The following SIAE variants were observed in gnomAD, a reference collection of about 807,000 sequenced individuals.
SIAE encodes sialic acid acetylesterase, also known as sialate O-acetylesterase.
SIAE carries 39 observed loss-of-function variants against 52.6 expected under a neutral mutation model. The ratio of observed to expected loss-of-function variants is 0.74; its 90% confidence interval spans 0.57 to 0.97. The LOEUF (loss-of-function observed/expected upper bound fraction) is 0.97, where lower values mean the gene tolerates loss of function less well. Ranked by LOEUF, SIAE falls within the 50% of genes least tolerant of loss-of-function variation. The probability of loss-of-function intolerance (pLI) is 0.00; values close to 1 mark genes in which losing one functional copy is unlikely to be tolerated. For synonymous variants in SIAE, 233 were observed against 241.4 expected (o/e 0.97, Z 0.32); for missense variants, 592 against 662.1 (o/e 0.89, Z 1.16).
Position 124,669,434 on chromosome 11 carries a change from G to T in SIAE, c.155C>A (p.Thr52Lys). The change falls in exon 2 of 10, where the codon ACA (threonine) becomes AAA (lysine). Residue 52 changes from threonine to lysine, a missense_variant. Transcript: ENST00000263593. ...GGTCACGGTCACTGTGGCTCCAGGT[G>T]TACCGAAGCCCCATATCACTGCCCC... ...PAGAVIWGFG[T>K]PGATVTVTLR... 6.2e-7 allele frequency: 1 copy of T among 1,614,122 alleles called. No homozygotes were observed. The highest frequency in any genetic ancestry group is 8.5e-7 in the Non-Finnish European group (1 of 1,179,990).
upstream of SIAE, chr11:124,673,865 AG>A: frequency 3.2e-6 from 2 of 633,150 alleles, no homozygotes; most frequent in Non-Finnish European, 2.5e-6. Context: ...CGGCCGCCGT[AG>A]TTTTTTTTTT....
rs11219744 is a variant in SIAE at position 124,653,277 on chromosome 11, A to G, written c.544+1378T>C. 2.4e-4 allele frequency among the ~76,000 whole-genome samples: 37 copies of G among 152,354 alleles called. No individual in the cohort carries two copies. In the East Asian group the frequency reaches 6.2e-3, roughly 25 times the overall value. On this transcript the variant is annotated intron_variant, in intron 4 of 9. Coordinates refer to ENST00000263593, the MANE Select transcript of SIAE (RefSeq NM_170601.5). ...CTACAATATCCCCAGCACTTAGAAC[A>G]GTGTCGAGCACATAGTAGACACTCA...
At chr11:124,643,219 A>C (rs1051509459) in intron 7 of SIAE, among the ~76,000 whole-genome samples, 13 of 152,192 alleles carry the variant, frequency 8.5e-5, no homozygotes, top group African/African-American at 2.9e-4. Flanking sequence ...GAGTATGCCT[A>C]GCGTGCTTAA....
upstream of SIAE, chr11:124,673,852 T>G: frequency 1.3e-6 from 1 of 765,672 alleles, no homozygotes; most frequent in South Asian, 2.2e-5. Flanking sequence ...ACTCGCCCCT[T>G]CTCGGCCGCC....
rs1434777795 is a variant in SIAE, at chr11:124,638,666, T to A, written c.1196A>T (p.Glu399Val). Residue 399 changes from glutamate (E) to valine (V), a missense_variant, in exon 9 of 10, where the codon GAG (glutamate) becomes GTG (valine). Glu to Val is a moderately radical substitution (Grantham distance 121). Transcript: ENST00000263593. ...HLGARALAYG[E>V]KNLTFEGPLP... is the part of the protein sequence containing the mutation. ...TGGTCCTTCAAAGGTCAAATTCTTC[T>A]CACCATAAGCCAGAGCACGGGCCCC... 1 of 1,614,136 alleles carries A rather than the reference T, an allele frequency of 6.2e-7. No individual in the cohort carries two copies. Among genetic ancestry groups the A allele is most frequent in the African/African-American group, 1.3e-5 (1 of 75,028 alleles).
chr11:124,660,169 A>T (rs1022641074), intron 3 of SIAE: 2 of 227,250 alleles, frequency 8.8e-6, no homozygotes, highest in African/African-American at 4.7e-5. Context: ...AGATGCCTGT[A>T]ATCCCAGCTA....
intron 4 of SIAE, chr11:124,654,369 G>C (rs1023090062): frequency 3.0e-6 from 3 of 985,250 alleles, no homozygotes; most frequent in Admixed American, 6.1e-5. Context: ...TGGAGTGAAG[G>C]CATCGGCGAG....
At position 124,654,794 on chromosome 11, in the gene SIAE, C is replaced by G. The variant is rs371824842; in HGVS notation, c.406-1G>C. Reference sequence around the variant, plus strand: ...ACAACTCCCTTGTAGCATTAAATATCTGGAAAAGAAATTGAAACGTCATTT... The same window carrying G: ...ACAACTCCCTTGTAGCATTAAATATGTGGAAAAGAAATTGAAACGTCATTT... On this transcript the variant is annotated splice_acceptor_variant, in intron 3 of 9. Transcript: ENST00000263593. LOFTEE classifies it high-confidence loss of function. 1.9e-6 allele frequency: 3 copies of G among 1,613,272 alleles called. No homozygotes were observed. The African/African-American group carries it at 4.0e-5, about 22-fold the overall frequency.
At chr11:124,640,133 T>A (rs1182119743) in intron 7 of SIAE, among the ~76,000 whole-genome samples, 1 of 152,180 alleles carries the variant, frequency 6.6e-6, no homozygotes, top group Non-Finnish European at 1.5e-5. Flanking sequence ...ATCTAGGATT[T>A]GCTTTGACCC....
rs896207011 is a variant in SIAE at position 124,634,910 on chromosome 11, A to C, written c.*2041T>G. On this transcript the variant is annotated 3_prime_UTR_variant, in exon 10 of 10. Coordinates refer to ENST00000263593, the MANE Select transcript of SIAE (RefSeq NM_170601.5). ...TTACTTGCTTATACTTTAGTGTCCA[A>C]ATTTTCTACAGTGACTATAAATTTC... 3 of 152,190 alleles carry C rather than the reference A, an allele frequency of 2.0e-5. No individual in the cohort carries two copies. The highest frequency in any genetic ancestry group is 4.4e-5 in the Non-Finnish European group (3 of 68,026). The allele number at this position is 152,190 out of a possible 1,614,324, so 9.4% of individuals were successfully genotyped here. A position where few individuals can be genotyped will look rare whatever the true frequency, so the allele number is the denominator to read the frequency against.
chr11:124,673,908 A>G, upstream of SIAE: 1 of 609,902 alleles, frequency 1.6e-6, no homozygotes, highest in Non-Finnish European at 2.9e-6. Context: ...CCCAGCAACT[A>G]GAAAAACAAC....
At chr11:124,656,892 G>C (rs1433564299) in intron 3 of SIAE, among the ~76,000 whole-genome samples, 1 of 152,100 alleles carries the variant, frequency 6.6e-6, no homozygotes, top group Non-Finnish European at 1.5e-5. Context: ...CGTTCCATTG[G>C]CCGCTGGTCA....
In SIAE at chr11:124,645,782, G is replaced by T. The variant is rs1942922764; in HGVS notation, c.966+1583C>A. Among the ~76,000 whole-genome samples the T allele has an allele frequency of 6.6e-6, 1 of 152,224 alleles. No individual in the cohort carries two copies. The highest frequency in any genetic ancestry group is 2.4e-5 in the African/African-American group (1 of 41,438). On this transcript the variant is annotated intron_variant, in intron 7 of 9. Transcript: ENST00000263593. This position sits in a 1 kb window ranked among gnomAD's most constrained non-coding sequence, Gnocchi z 4.7. The stretch of plus-strand genomic sequence containing the variant: ...CAACAGGGATGCAGAACTGGTGACA[G>T]GAGCTGCTACTTTGAAAATAATGAG...
chr11:124,676,184 C>T (rs771681692), upstream of SIAE: 1 of 152,188 alleles, frequency 6.6e-6, no homozygotes, highest in Non-Finnish European at 1.5e-5. Context: ...GTGGTGCGCA[C>T]CTTTAGTACC....
upstream of SIAE, chr11:124,673,864 T>G: frequency 1.0e-5 from 7 of 684,310 alleles, no homozygotes; most frequent in East Asian, 3.2e-5. Context: ...TCGGCCGCCG[T>G]AGTTTTTTTT....
intron 4 of SIAE, chr11:124,654,329 CAG>C (rs1943062086): frequency 1.0e-6 from 1 of 985,264 alleles, no homozygotes. Context: ...TCTACAGACA[CAG>C]AGACAAGGGA....
intron 3 of SIAE, 30 bp downstream of exon 3, chr11:124,660,596 CTG>C (rs758814484): frequency 6.2e-7 from 1 of 1,610,946 alleles, no homozygotes; most frequent in Non-Finnish European, 8.5e-7. Flanking sequence ...ATCACCAACA[CTG>C]TGTATTATTG....
At chr11:124,648,906 C>G (rs1250191004) in intron 5 of SIAE, among the ~76,000 whole-genome samples, 1 of 152,178 alleles carries the variant, frequency 6.6e-6, no homozygotes, top group Non-Finnish European at 1.5e-5. Context: ...ACCCAGAGCT[C>G]AAGCCCATCC....
rs1216432359 is a variant in SIAE at position 124,648,183 on chromosome 11, C to T, written c.723-8G>A. Reference sequence around the variant, plus strand: ...GAATCGTATGGAATGGACCTGAAATCATATGATGCACAAGTGTCACCAGAG... The same window carrying T: ...GAATCGTATGGAATGGACCTGAAATTATATGATGCACAAGTGTCACCAGAG... On this transcript the variant is annotated splice_region_variant and splice_polypyrimidine_tract_variant and intron_variant, in intron 5 of 9. Transcript: ENST00000263593. 2 of 1,604,152 alleles carry T rather than the reference C, an allele frequency of 1.2e-6. No individual in the cohort carries two copies. Among genetic ancestry groups the T allele is most frequent in the Admixed American group, 3.3e-5 (2 of 60,022 alleles).
Sources: gnomAD v4.1 joint callset for allele counts (sites outside exome capture counted in the v4.1 genomes callset) on GRCh38, gnomAD v4.1.1 for gene constraint, Gnocchi (gnomAD v3.1) non-coding constraint, MANE v1.5 for transcripts, NCBI Gene and HGNC (gene_info 2026-07-23, HGNC 2026-07-21) for gene names.